The following KDM4C variants were observed in gnomAD, a reference collection of about 807,000 sequenced individuals.
KDM4C encodes lysine demethylase 4C.
KDM4C carries 81 observed loss-of-function variants against 129.3 expected under a neutral mutation model. The ratio of observed to expected loss-of-function variants is 0.63; its 90% CI spans 0.52 to 0.75. The LOEUF is 0.75. Ranked by LOEUF, KDM4C falls within the 30% of genes least tolerant of loss-of-function variation. KDM4C has a pLI of 0.00. For missense variants in KDM4C, 1,457 were observed against 1,304.0 expected (o/e 1.12, Z -1.81); for synonymous variants, 573 against 456.1 (o/e 1.26, Z -3.26).
At chr9:7,085,234 C>G (rs1003874388) in intron 17 of KDM4C, among the ~76,000 whole-genome samples, 2 of 152,230 alleles carry the variant, frequency 1.3e-5, no homozygotes, top group Admixed American at 1.3e-4. Flanking sequence ...ATATTTGGCT[C>G]AGGGCCATTG....
intron 2 of KDM4C, among the ~76,000 whole-genome samples, chr9:6,798,900 G>A (rs1828321244): frequency 6.6e-6 from 1 of 151,992 alleles, no homozygotes; most frequent in African/African-American, 2.4e-5. Context: ...CGGCCGGGCA[G>A]AGACGTTCCT....
intron 19 of KDM4C, among the ~76,000 whole-genome samples, chr9:7,140,858 A>G (rs1042169396): frequency 1.1e-4 from 17 of 152,260 alleles, no homozygotes; most frequent in African/African-American, 4.1e-4. Context: ...TGACAGGAAT[A>G]TGATCCAGTA....
chr9:6,884,251 C>T (rs1312951845), intron 6 of KDM4C, among the ~76,000 whole-genome samples: 1 of 152,136 alleles, frequency 6.6e-6, no homozygotes. Flanking sequence ...TAGCAAGCAC[C>T]AAGAGGCCAA....
rs538858845 is a variant in KDM4C, at chr9:6,987,083, A to G, written c.1677+417A>G. Among the ~76,000 whole-genome samples, 20 of 152,280 alleles carry G rather than the reference A, an allele frequency of 1.3e-4. No individual in the cohort carries two copies. In the East Asian group the frequency reaches 3.7e-3, roughly 28 times the overall value. On this transcript the variant is annotated intron_variant, in intron 11 of 21. Transcript: ENST00000381309. ...ACATTGATACAGTAAAGATTACAGA[A>G]TTGTTCTGTCACCTGCAGAAGAATT...
chr9:6,831,101 T>C (rs1834733917), intron 4 of KDM4C, among the ~76,000 whole-genome samples: 1 of 152,148 alleles, frequency 6.6e-6, no homozygotes, highest in Non-Finnish European at 1.5e-5. Flanking sequence ...GACTCTGTTA[T>C]TTTTTTTCTT....
intron 1 of KDM4C, among the ~76,000 whole-genome samples, chr9:6,770,767 C>CTTTTTTTTTTTTT (rs753670348): frequency 4.9e-5 from 4 of 81,764 alleles, no homozygotes; most frequent in African/African-American, 2.0e-4. Flanking sequence ...GATTTTGATC[C>CTTTTTTTTTTTTT]TTTTTTTTTT....
At chr9:6,869,707 C>T (rs1241516402) in intron 5 of KDM4C, among the ~76,000 whole-genome samples, 3 of 152,208 alleles carry the variant, frequency 2.0e-5, no homozygotes, top group Non-Finnish European at 2.9e-5. Flanking sequence ...GCCGCCATTC[C>T]CTCCCTCTTC....
At chr9:6,924,860 AT>A (rs1157512754) in intron 8 of KDM4C, 3 of 983,596 alleles carry the variant, frequency 3.1e-6, no homozygotes, top group East Asian at 1.1e-4. Flanking sequence ...TCCACTATAT[AT>A]TTTTTTCAAT....
intron 4 of KDM4C, among the ~76,000 whole-genome samples, chr9:6,816,998 T>G (rs931888841): frequency 1.1e-4 from 17 of 152,266 alleles, no homozygotes; most frequent in African/African-American, 3.6e-4. Flanking sequence ...ACGATTCTTA[T>G]TTTTGAAGAT....
chr9:7,016,770 G>C (rs1823775438), intron 15 of KDM4C, among the ~76,000 whole-genome samples: 1 of 152,064 alleles, frequency 6.6e-6, no homozygotes, highest in Admixed American at 6.6e-5. Flanking sequence ...GGAAGCTGCA[G>C]GGACTGTCAA....
rs66904997 is a variant in KDM4C at position 6,732,364 on chromosome 9, C to CA, written c.49+11404dup. Among the ~76,000 whole-genome samples the CA allele has an allele frequency of 9.4e-3, 283 of 30,000 alleles. 69 individuals carry two copies. The highest frequency in any genetic ancestry group is 0.015 in the East Asian group (10 of 652). The allele number at this position is 30,000 out of a possible 152,430, so 19.7% of individuals were successfully genotyped here. ...TGGGTGACAGAGCAAGACTCTGTCT[C>CA]AAAAAAAAAAAAAAAAAAAAAAAAA... On this transcript the variant is annotated intron_variant, in intron 1 of 17. Transcript: ENST00000536108.
At chr9:6,810,432 T>A (rs567509030) in intron 3 of KDM4C, among the ~76,000 whole-genome samples, 2 of 152,316 alleles carry the variant, frequency 1.3e-5, no homozygotes, top group Admixed American at 1.3e-4. Context: ...ATTGTAAAGA[T>A]TTACTTATTA....
intron 17 of KDM4C, among the ~76,000 whole-genome samples, chr9:7,050,442 C>CAAAAAAAAAAAAAAAAAAAAAAAA (rs71500910): frequency 2.6e-4 from 20 of 78,102 alleles, no homozygotes; most frequent in East Asian, 3.6e-4. Flanking sequence ...CCCAGATTAC[C>CAAAAAAAAAAAAAAAAAAAAAAAA]AAAAAAAAAA....
At chr9:6,896,056 G>T (rs763220573) in intron 8 of KDM4C, among the ~76,000 whole-genome samples, 19 of 152,084 alleles carry the variant, frequency 1.2e-4, no homozygotes, top group Non-Finnish European at 1.9e-4. Flanking sequence ...TTACTGTGTT[G>T]CATGTATATG....
At chr9:6,813,670 T>G (rs961353774) in intron 3 of KDM4C, among the ~76,000 whole-genome samples, 1 of 152,186 alleles carries the variant, frequency 6.6e-6, no homozygotes, top group African/African-American at 2.4e-5. Context: ...TCCTTTTATG[T>G]GGTGAGATTA....
intron 8 of KDM4C, among the ~76,000 whole-genome samples, chr9:6,977,282 T>A (rs1753051789): frequency 6.6e-6 from 1 of 152,220 alleles, no homozygotes; most frequent in Non-Finnish European, 1.5e-5. Context: ...TTAGTAATTT[T>A]CTATGAAAGA....
intron 17 of KDM4C, among the ~76,000 whole-genome samples, chr9:7,056,470 A>C (rs1343277036): frequency 6.6e-6 from 1 of 152,216 alleles, no homozygotes; most frequent in Non-Finnish European, 1.5e-5. Context: ...CAAACCATAA[A>C]ATCTTTTGAG....
chr9:7,171,435 G>A (rs78684681), intron 21 of KDM4C, among the ~76,000 whole-genome samples: 5,526 of 152,206 alleles, frequency 0.036, 153 homozygotes, highest in East Asian at 0.14. Context: ...GTCTCGTTCT[G>A]TATTCCTGTC....
chr9:6,976,982 C>T (rs755728080), intron 8 of KDM4C, among the ~76,000 whole-genome samples: 3 of 151,992 alleles, frequency 2.0e-5, no homozygotes, highest in African/African-American at 7.2e-5. Context: ...TTCATTTGGG[C>T]TTATTTGTTT....
Sources: gnomAD v4.1 joint callset for allele counts (sites outside exome capture counted in the v4.1 genomes callset) on GRCh38, gnomAD v4.1.1 for gene constraint, MANE v1.5 for transcripts, NCBI Gene and HGNC (gene_info 2026-07-23, HGNC 2026-07-21) for gene names.